The following PACS1 variants were observed in gnomAD, a reference collection of about 807,000 sequenced individuals.
PACS1 encodes the protein PACS-1.
PACS1 carries 24 observed loss-of-function variants against 115.0 expected under a neutral mutation model. That is an observed-to-expected ratio of 0.21 (90% CI 0.15 to 0.29). The LOEUF (loss-of-function observed/expected upper bound fraction) is 0.29. Ranked by LOEUF, PACS1 falls within the 10% of genes least tolerant of loss-of-function variation. The pLI is 1.00. For synonymous variants in PACS1, 453 were observed against 504.5 expected (o/e 0.90, Z 1.37); for missense variants, 838 against 1,251.2 (o/e 0.67, Z 4.98).
chr11:66,237,981 T>C, intron 19 of PACS1: 1 of 861,054 alleles, frequency 1.2e-6, no homozygotes, highest in South Asian at 5.3e-5. Flanking sequence ...CCCTCTGGAC[T>C]CCCAGCCCAG....
chr11:66,198,071 G>A (rs1271483896), intron 2 of PACS1, among the ~76,000 whole-genome samples: 1 of 152,168 alleles, frequency 6.6e-6, no homozygotes, highest in Non-Finnish European at 1.5e-5. Flanking sequence ...CCACTGTGTT[G>A]TTTTGTTTTG....
chr11:66,137,227 C>CT (rs765162689), intron 1 of PACS1, among the ~76,000 whole-genome samples: 1 of 151,922 alleles, frequency 6.6e-6, no homozygotes, highest in East Asian at 1.9e-4. Context: ...TCTGCTAGTA[C>CT]TTAAATGGAT....
intron 1 of PACS1, among the ~76,000 whole-genome samples, chr11:66,192,569 C>T (rs898142525): frequency 2.6e-4 from 40 of 152,204 alleles, no homozygotes; most frequent in Non-Finnish European, 5.3e-4. Flanking sequence ...TAGAGGGCCT[C>T]AGCACGGAGG....
chr11:66,159,862 T>A (rs770805726), intron 1 of PACS1, among the ~76,000 whole-genome samples: 1 of 152,224 alleles, frequency 6.6e-6, no homozygotes, highest in African/African-American at 2.4e-5. Flanking sequence ...GGAGAAAATA[T>A]TCTGCATTCG....
intron 1 of PACS1, among the ~76,000 whole-genome samples, chr11:66,111,060 CATT>C (rs1260844907): frequency 1.4e-4 from 22 of 152,168 alleles, no homozygotes; most frequent in Admixed American, 4.6e-4. Flanking sequence ...AACATGTCAT[CATT>C]GAGTGTACTT....
chr11:66,181,014 T>C (rs534207901), intron 1 of PACS1, among the ~76,000 whole-genome samples: 1 of 152,232 alleles, frequency 6.6e-6, no homozygotes, highest in African/African-American at 2.4e-5. Flanking sequence ...TCCAGAGTTT[T>C]ATGTAAGTAA....
chr11:66,205,367 A>G (rs574629973), intron 2 of PACS1, among the ~76,000 whole-genome samples: 1 of 152,108 alleles, frequency 6.6e-6, no homozygotes, highest in South Asian at 2.1e-4. Flanking sequence ...ATTACAGTCA[A>G]TGATAATTTA....
intron 1 of PACS1, among the ~76,000 whole-genome samples, chr11:66,175,052 G>A (rs1029134919): frequency 2.0e-5 from 3 of 152,082 alleles, no homozygotes; most frequent in Non-Finnish European, 4.4e-5. Flanking sequence ...TCGGGAGGCT[G>A]AGGCAGGGTA....
intron 4 of PACS1, among the ~76,000 whole-genome samples, chr11:66,212,829 A>G (rs1269315501): frequency 2.0e-5 from 3 of 152,012 alleles, no homozygotes; most frequent in Non-Finnish European, 4.4e-5. Context: ...ACCATTCCTT[A>G]CATATTTATT....
intron 1 of PACS1, among the ~76,000 whole-genome samples, chr11:66,081,211 C>T (rs1230249147): frequency 2.6e-5 from 4 of 151,096 alleles, no homozygotes; most frequent in South Asian, 4.2e-4. Flanking sequence ...CCAGTCTGAG[C>T]GACAGATCAA....
chr11:66,095,647 G>A (rs578013599), intron 1 of PACS1, among the ~76,000 whole-genome samples: 6 of 152,214 alleles, frequency 3.9e-5, no homozygotes, highest in South Asian at 2.1e-4. Flanking sequence ...TAGTAGAGAC[G>A]GAGTTTCACC....
At chr11:66,104,310 T>A (rs1813138659) in intron 1 of PACS1, among the ~76,000 whole-genome samples, 1 of 152,198 alleles carries the variant, frequency 6.6e-6, no homozygotes, top group Admixed American at 6.5e-5. Context: ...TAATGGAATT[T>A]TCCAGTTGAG....
At chr11:66,181,439 C>T (rs560857949) in intron 1 of PACS1, among the ~76,000 whole-genome samples, 1 of 152,088 alleles carries the variant, frequency 6.6e-6, no homozygotes, top group African/African-American at 2.4e-5. Flanking sequence ...GTCTTGAACT[C>T]CTGACCTCAG....
chr11:66,140,971 G>A (rs903003060), intron 1 of PACS1, among the ~76,000 whole-genome samples: 1 of 151,950 alleles, frequency 6.6e-6, no homozygotes, highest in Non-Finnish European at 1.5e-5. Context: ...ACATATCGTG[G>A]TATCTTATTG....
rs141145840 is a variant in PACS1 at position 66,144,127 on chromosome 11, C to G, written c.357-49359C>G. ...TTCATAGAACTAAGAGTCAGAAGTT[C>G]TTGAACCTTGATTCCTGTTTGCCTC... On this transcript the variant is annotated intron_variant, in intron 1 of 23. Coordinates refer to ENST00000320580, the MANE Select transcript of PACS1 (RefSeq NM_018026.4). Among the ~76,000 whole-genome samples the G allele has an allele frequency of 9.9e-5, 15 of 152,258 alleles. No homozygotes were observed. In the East Asian group the frequency reaches 2.9e-3, roughly 29 times the overall value.
chr11:66,220,942 T>C, intron 9 of PACS1, 151 bp downstream of exon 9: 1 of 1,013,074 alleles, frequency 9.9e-7, no homozygotes, highest in Non-Finnish European at 1.5e-6. Context: ...GGTCACTGTT[T>C]TGCCTCTCAC....
intron 1 of PACS1, among the ~76,000 whole-genome samples, chr11:66,081,267 G>A (rs475805): frequency 0.67 from 101,838 of 151,922 alleles, 35,516 homozygotes; most frequent in Non-Finnish European, 0.76. Context: ...GAAAAGAAAA[G>A]TCCCTGTCTC....
intron 1 of PACS1, among the ~76,000 whole-genome samples, chr11:66,071,230 C>T (rs988625297): frequency 6.6e-6 from 1 of 152,140 alleles, no homozygotes. Flanking sequence ...TATTATTTCC[C>T]AATAGACTCA....
Position 66,184,228 on chromosome 11 carries a change from G to A in PACS1, c.357-9258G>A, listed in dbSNP as rs969918386. 5.5e-4 allele frequency among the ~76,000 whole-genome samples: 82 copies of A among 147,964 alleles called. 4 individuals carry two copies. The highest frequency in any genetic ancestry group is 2.2e-4 in the Non-Finnish European group (15 of 67,434). Reference sequence around the variant, plus strand: ...CTTGGGAGGCTGAGGCAGGAGAATCGCTTGAGCCTGAGAGGCGGAGGCTGC... The same window carrying A: ...CTTGGGAGGCTGAGGCAGGAGAATCACTTGAGCCTGAGAGGCGGAGGCTGC... On this transcript the variant is annotated intron_variant, in intron 1 of 23. Transcript: ENST00000320580.
Sources: gnomAD v4.1 joint callset for allele counts (sites outside exome capture counted in the v4.1 genomes callset) on GRCh38, gnomAD v4.1.1 for gene constraint, MANE v1.5 for transcripts, NCBI Gene and HGNC (gene_info 2026-07-23, HGNC 2026-07-21) for gene names.